Variants in NBAS observed in about 807,000 individuals in gnomAD.
NBAS encodes NBAS subunit of NRZ tethering complex, also known as NAG/BC035112 fusion.
A neutral mutation model predicts 302.5 loss-of-function variants in NBAS; 219 were observed. The observed-to-expected ratio is 0.72, with a 90% CI of 0.65 to 0.81. The LOEUF (loss-of-function observed/expected upper bound fraction) is 0.81. Ranked by LOEUF, NBAS falls within the 30% of genes least tolerant of loss-of-function variation. NBAS has a pLI of 0.00. For synonymous variants in NBAS, 1,118 were observed against 1,021.6 expected, an observed-to-expected ratio of 1.09 and a Z score of -1.80; for missense variants, 2,932 against 2,841.6, an observed-to-expected ratio of 1.03 and a Z score of -0.72.
chr2:15,107,382 T>G, the NBAS span, among the ~76,000 whole-genome samples: 55 of 151,994 alleles, frequency 3.6e-4, no homozygotes, highest in African/African-American at 1.3e-3. Flanking sequence ...TGTGAGGAAA[T>G]AAATGGCTGT....
chr2:15,088,381 T>G, the NBAS span, among the ~76,000 whole-genome samples: 4 of 152,246 alleles, frequency 2.6e-5, no homozygotes, highest in South Asian at 8.3e-4. Flanking sequence ...TTTTCTGCTC[T>G]TCTTTTCAAA....
intron 25 of NBAS, among the ~76,000 whole-genome samples, chr2:15,405,188 C>T (rs573384819): frequency 1.2e-4 from 19 of 152,202 alleles, no homozygotes; most frequent in Non-Finnish European, 2.5e-4. Context: ...CAGATGTCTA[C>T]AGTCCTGGAG....
At chr2:15,173,061 T>G (rs1179914757) in intron 51 of NBAS, among the ~76,000 whole-genome samples, 2 of 152,198 alleles carry the variant, frequency 1.3e-5, no homozygotes, top group African/African-American at 4.8e-5. Flanking sequence ...AAACAAATCA[T>G]GAGAAAAGGA....
chr2:15,485,200 C>T (rs1680573283), intron 12 of NBAS, among the ~76,000 whole-genome samples: 1 of 151,808 alleles, frequency 6.6e-6, no homozygotes. Flanking sequence ...TCTGAGAGAG[C>T]TGAAGGAATC....
chr2:14,931,539 G>A, the NBAS span, among the ~76,000 whole-genome samples: 1 of 152,236 alleles, frequency 6.6e-6, no homozygotes, highest in Non-Finnish European at 1.5e-5. Flanking sequence ...AGGATATCAA[G>A]ATAGTTCAGA....
chr2:14,870,959 T>TA, the NBAS span, among the ~76,000 whole-genome samples: 5 of 143,638 alleles, frequency 3.5e-5, no homozygotes, highest in East Asian at 2.0e-4. Flanking sequence ...CTTGAAGACA[T>TA]AAAAAAAAAG....
the NBAS span, among the ~76,000 whole-genome samples, chr2:14,931,822 T>C: frequency 6.6e-6 from 1 of 152,214 alleles, no homozygotes; most frequent in Non-Finnish European, 1.5e-5. Context: ...CTCCCTTCCA[T>C]CAAGGTATTG....
chr2:15,183,373 C>A (rs1180558916), intron 50 of NBAS, among the ~76,000 whole-genome samples: 1 of 152,190 alleles, frequency 6.6e-6, no homozygotes, highest in African/African-American at 2.4e-5. Flanking sequence ...ACGGTGACAA[C>A]AGAACTCTTT....
At chr2:15,365,650 T>C (rs925571660) in intron 32 of NBAS, among the ~76,000 whole-genome samples, 2 of 152,108 alleles carry the variant, frequency 1.3e-5, no homozygotes, top group East Asian at 1.9e-4. Flanking sequence ...AGTCCAAATA[T>C]AAAGATGCTG....
intron 42 of NBAS, among the ~76,000 whole-genome samples, chr2:15,280,045 G>A (rs1424310855): frequency 6.6e-6 from 1 of 152,108 alleles, no homozygotes; most frequent in Non-Finnish European, 1.5e-5. Flanking sequence ...TTATAAAGCA[G>A]CTTATATACA....
At chr2:15,547,318 A>G (rs1042797424) in intron 6 of NBAS, among the ~76,000 whole-genome samples, 2 of 152,212 alleles carry the variant, frequency 1.3e-5, no homozygotes, top group African/African-American at 4.8e-5. Context: ...ATCATTTGGC[A>G]TATGGGAGTT....
chr2:15,254,903 GGTGT>G (rs111732767), intron 44 of NBAS, among the ~76,000 whole-genome samples: 4,440 of 149,340 alleles, frequency 0.03, 182 homozygotes, highest in African/African-American at 0.097. Context: ...TGTTCCATGG[GGTGT>G]GTGTGTGTGT....
chr2:14,882,582 G>C, the NBAS span, among the ~76,000 whole-genome samples: 1 of 152,264 alleles, frequency 6.6e-6, no homozygotes, highest in East Asian at 1.9e-4. Context: ...GAGAAAGTGA[G>C]GTGATCCTCA....
At chr2:15,191,010 T>C (rs1387779482) in intron 48 of NBAS, among the ~76,000 whole-genome samples, 3 of 152,224 alleles carry the variant, frequency 2.0e-5, no homozygotes, top group Non-Finnish European at 4.4e-5. Flanking sequence ...ATTTTTCTTT[T>C]ACATTGAGGC....
At chr2:14,838,484 A>G in the NBAS span, among the ~76,000 whole-genome samples, 1 of 152,020 alleles carries the variant, frequency 6.6e-6, no homozygotes, top group Non-Finnish European at 1.5e-5. Context: ...CTGGTTATAT[A>G]TGCTAAGCAT....
At chr2:15,033,844 A>G in the NBAS span, among the ~76,000 whole-genome samples, 1 of 152,022 alleles carries the variant, frequency 6.6e-6, no homozygotes, top group Admixed American at 6.6e-5. Flanking sequence ...GCTACTCAGG[A>G]GGCTACAGTG....
At chr2:15,176,670 A>G (rs1376695346) in intron 51 of NBAS, among the ~76,000 whole-genome samples, 7 of 152,216 alleles carry the variant, frequency 4.6e-5, no homozygotes, top group Non-Finnish European at 1.0e-4. Context: ...TCCTAATCAG[A>G]AAATCTGAAG....
chr2:15,241,585 C>T (rs1308112421), intron 44 of NBAS, among the ~76,000 whole-genome samples: 3 of 151,930 alleles, frequency 2.0e-5, no homozygotes, highest in Non-Finnish European at 4.4e-5. Flanking sequence ...TCTTCATCTA[C>T]AAAATGAAAA....
At chr2:15,026,700 T>C in the NBAS span, among the ~76,000 whole-genome samples, 4 of 152,256 alleles carry the variant, frequency 2.6e-5, no homozygotes, top group Admixed American at 2.6e-4. Flanking sequence ...ATATAGCTTT[T>C]GGGTTTGCAG....
Sources: gnomAD v4.1 joint callset for allele counts (sites outside exome capture counted in the v4.1 genomes callset) on GRCh38, gnomAD v4.1.1 for gene constraint, MANE v1.5 for transcripts, NCBI Gene and HGNC (gene_info 2026-07-23, HGNC 2026-07-21) for gene names.